The following WDR72 variants were observed in gnomAD, a reference collection of about 807,000 sequenced individuals.
WDR72 encodes WD repeat-containing protein 72.
A neutral mutation model predicts 124.2 loss-of-function variants in WDR72; 120 were observed. The observed-to-expected ratio is 0.97, with a 90% CI of 0.83 to 1.12. WDR72 has a LOEUF of 1.12. Among genes scored for constraint, WDR72 ranks in the 50% most tolerant of loss-of-function variants. The pLI is 0.00. For missense variants in WDR72, 1,387 were observed against 1,278.8 expected (o/e 1.08, Z -1.29); for synonymous variants, 452 against 441.7 (o/e 1.02, Z -0.29).
chr15:53,573,368 C>T (rs1894626589), intron 18 of WDR72, among the ~76,000 whole-genome samples: 1 of 152,114 alleles, frequency 6.6e-6, no homozygotes, highest in South Asian at 2.1e-4. Flanking sequence ...ATACATGTGC[C>T]TTTCTTTTCC....
intron 18 of WDR72, among the ~76,000 whole-genome samples, chr15:53,551,432 C>G (rs1456287671): frequency 6.6e-6 from 1 of 152,172 alleles, no homozygotes; most frequent in Non-Finnish European, 1.5e-5. Context: ...CAAACCCACT[C>G]TCAGCCTTTC....
At position 53,736,699 on chromosome 15, in the gene WDR72, G is replaced by A. The variant is rs192435674; in HGVS notation, c.-12-3538C>T. On this transcript the variant is annotated intron_variant, in intron 1 of 19. Transcript: ENST00000360509. ...GAAAATGTAATCAGATGTAGTAAAG[G>A]AATACAGGGATAAGCAGGATTTTCA... 2.0e-4 allele frequency among the ~76,000 whole-genome samples: 31 copies of A among 152,250 alleles called. 1 individual carries two copies. The highest frequency in any genetic ancestry group is 1.8e-3 in the Admixed American group (28 of 15,300).
chr15:53,691,400 A>G (rs552391916), intron 13 of WDR72, among the ~76,000 whole-genome samples: 1 of 152,254 alleles, frequency 6.6e-6, no homozygotes, highest in Admixed American at 6.5e-5. Context: ...CTGTGCCATA[A>G]GAGTTCCTTA....
chr15:53,752,708 A>G (rs2018803723), intron 1 of WDR72, among the ~76,000 whole-genome samples: 1 of 152,154 alleles, frequency 6.6e-6, no homozygotes, highest in African/African-American at 2.4e-5. Flanking sequence ...CATTTGACAG[A>G]CTTTGTTTCT....
intron 2 of WDR72, among the ~76,000 whole-genome samples, chr15:53,730,814 C>T (rs777744058): frequency 2.0e-5 from 3 of 152,078 alleles, no homozygotes; most frequent in Non-Finnish European, 4.4e-5. Context: ...AATTAAACCA[C>T]TAAGTATTAA....
chr15:53,737,804 C>T (rs2018399828), intron 1 of WDR72, among the ~76,000 whole-genome samples: 1 of 152,032 alleles, frequency 6.6e-6, no homozygotes, highest in South Asian at 2.1e-4. Flanking sequence ...GTATTAGTAA[C>T]ATCACAAAAA....
At chr15:53,709,081 A>T (rs1027480072) in intron 9 of WDR72, among the ~76,000 whole-genome samples, 5 of 152,220 alleles carry the variant, frequency 3.3e-5, no homozygotes, top group African/African-American at 1.2e-4. Context: ...CTGCTTACAG[A>T]GCAGTCTTTT....
At chr15:53,736,812 T>C (rs1414182010) in intron 1 of WDR72, among the ~76,000 whole-genome samples, 1 of 152,012 alleles carries the variant, frequency 6.6e-6, no homozygotes, top group Non-Finnish European at 1.5e-5. Context: ...GGTAGCACGT[T>C]TACAGGAAAT....
At chr15:53,598,623 G>A (rs2012894217) in intron 17 of WDR72, among the ~76,000 whole-genome samples, 1 of 152,156 alleles carries the variant, frequency 6.6e-6, no homozygotes, top group Non-Finnish European at 1.5e-5. Flanking sequence ...AATATAGGAA[G>A]CTTCCTGAGA....
intron 1 of WDR72, among the ~76,000 whole-genome samples, chr15:53,744,730 G>T (rs891055075): frequency 1.3e-5 from 2 of 152,166 alleles, no homozygotes; most frequent in African/African-American, 4.8e-5. Context: ...TTTCTTATAT[G>T]ATGTGTTTGA....
chr15:53,625,342 A>G (rs902978957), intron 14 of WDR72, among the ~76,000 whole-genome samples: 1 of 152,198 alleles, frequency 6.6e-6, no homozygotes, highest in African/African-American at 2.4e-5. Flanking sequence ...CAGGTATTGC[A>G]TCATAGACAA....
intron 18 of WDR72, among the ~76,000 whole-genome samples, chr15:53,550,130 GAC>G (rs1893669532): frequency 6.6e-6 from 1 of 152,150 alleles, no homozygotes; most frequent in Non-Finnish European, 1.5e-5. Context: ...AGCTTGGTAA[GAC>G]ACAGTCTGTG....
chr15:53,742,780 T>G (rs1178894758), intron 1 of WDR72, among the ~76,000 whole-genome samples: 1 of 152,182 alleles, frequency 6.6e-6, no homozygotes, highest in East Asian at 1.9e-4. Flanking sequence ...ACATTACACT[T>G]TGTACGTAAA....
At chr15:53,659,369 C>A (rs2015534050) in intron 14 of WDR72, among the ~76,000 whole-genome samples, 1 of 152,166 alleles carries the variant, frequency 6.6e-6, no homozygotes, top group Admixed American at 6.5e-5. Flanking sequence ...CTGCACAAAG[C>A]CAGACTTAAG....
intron 18 of WDR72, among the ~76,000 whole-genome samples, chr15:53,548,159 G>A (rs1443691914): frequency 2.0e-5 from 3 of 152,136 alleles, no homozygotes; most frequent in African/African-American, 7.2e-5. Flanking sequence ...TAGTAATTTA[G>A]AGCTATGCTC....
At chr15:53,670,497 C>A (rs1044241667) in intron 13 of WDR72, among the ~76,000 whole-genome samples, 2 of 152,202 alleles carry the variant, frequency 1.3e-5, no homozygotes, top group Non-Finnish European at 2.9e-5. Context: ...TGACCCCATG[C>A]ACAACCCTGC....
At chr15:53,753,856 A>G (rs963979936) in intron 1 of WDR72, among the ~76,000 whole-genome samples, 1 of 152,100 alleles carries the variant, frequency 6.6e-6, no homozygotes, top group African/African-American at 2.4e-5. Flanking sequence ...CACATCTACC[A>G]TTACTGTTAT....
intron 14 of WDR72, among the ~76,000 whole-genome samples, chr15:53,625,733 A>G (rs2014178822): frequency 6.6e-6 from 1 of 152,116 alleles, no homozygotes; most frequent in South Asian, 2.1e-4. Flanking sequence ...ATGACACGAA[A>G]TGCAAACTGT....
intron 18 of WDR72, among the ~76,000 whole-genome samples, chr15:53,543,757 A>C (rs1431188788): frequency 2.6e-5 from 4 of 152,178 alleles, no homozygotes; most frequent in Non-Finnish European, 5.9e-5. Context: ...CAAGACTAAT[A>C]AAGAAAAAAA....
Sources: allele counts gnomAD v4.1 joint callset (sites outside exome capture counted in the v4.1 genomes callset), GRCh38; gene constraint gnomAD v4.1.1; transcripts MANE v1.5; gene names NCBI Gene and HGNC (gene_info 2026-07-23, HGNC 2026-07-21).